CMSS1: variants seen among roughly 807,000 people sequenced by gnomAD.
CMSS1 encodes the protein cms1 ribosomal small subunit homolog.
CMSS1 carries 33 observed loss-of-function variants against 43.5 expected under a neutral mutation model. That is an observed-to-expected ratio of 0.76 (90% confidence interval 0.57 to 1.01). CMSS1 has a LOEUF of 1.01. CMSS1 is among the 50% of genes least tolerant of loss of function. CMSS1 has a pLI of 0.00. For synonymous variants in CMSS1, 115 were observed against 117.2 expected, an observed-to-expected ratio of 0.98 and a Z score of 0.12; for missense variants, 313 against 326.4, an observed-to-expected ratio of 0.96 and a Z score of 0.32.
At chr3:99,984,950 T>C (rs1041311749) in intron 1 of CMSS1, among the ~76,000 whole-genome samples, 7 of 152,280 alleles carry the variant, frequency 4.6e-5, no homozygotes, top group African/African-American at 1.7e-4. Flanking sequence ...ACTGAGGATA[T>C]TGCTCTTAGA....
chr3:100,122,886 AAATAT>A (rs2066633256), intron 1 of CMSS1, among the ~76,000 whole-genome samples: 1 of 152,228 alleles, frequency 6.6e-6, no homozygotes, highest in Admixed American at 6.5e-5. Flanking sequence ...TAAAAACATA[AAATAT>A]AAAGATGGCC....
At chr3:99,837,685 G>A (rs1942957101) in intron 1 of CMSS1, among the ~76,000 whole-genome samples, 1 of 152,174 alleles carries the variant, frequency 6.6e-6, no homozygotes, top group African/African-American at 2.4e-5. Flanking sequence ...TTCTCCTTCT[G>A]ACCTGGGAAG....
intron 1 of CMSS1, among the ~76,000 whole-genome samples, chr3:99,957,818 T>G (rs1026984061): frequency 2.0e-5 from 3 of 150,454 alleles, no homozygotes; most frequent in African/African-American, 7.3e-5. Flanking sequence ...ACATAGCTTG[T>G]TTTTAGTTCT....
At chr3:99,997,720 A>G (rs1292277167) in intron 1 of CMSS1, among the ~76,000 whole-genome samples, 1 of 152,212 alleles carries the variant, frequency 6.6e-6, no homozygotes, top group African/African-American at 2.4e-5. Context: ...GTAGTTTAAA[A>G]CTTTGTACAC....
intron 1 of CMSS1, among the ~76,000 whole-genome samples, chr3:99,963,753 G>T (rs1435475718): frequency 1.3e-5 from 2 of 151,982 alleles, no homozygotes; most frequent in Non-Finnish European, 2.9e-5. Context: ...AGTAGCTGGG[G>T]ATTACAGGCA....
chr3:99,847,681 A>T (rs1433781590), intron 1 of CMSS1, among the ~76,000 whole-genome samples: 2 of 152,212 alleles, frequency 1.3e-5, no homozygotes, highest in Admixed American at 6.5e-5. Context: ...ATATATCCCA[A>T]GCATGAAGTT....
intron 1 of CMSS1, among the ~76,000 whole-genome samples, chr3:99,920,741 T>C (rs1707099691): frequency 6.6e-6 from 1 of 152,166 alleles, no homozygotes; most frequent in Non-Finnish European, 1.5e-5. Flanking sequence ...TGGCCTGAGC[T>C]CAATGTGTGA....
intron 1 of CMSS1, among the ~76,000 whole-genome samples, chr3:99,917,250 A>G (rs964138177): frequency 1.3e-5 from 2 of 152,182 alleles, no homozygotes; most frequent in African/African-American, 4.8e-5. Context: ...CAGTGTTGCA[A>G]CAGTGGTGTC....
At chr3:99,985,958 C>G (rs1412405680) in intron 1 of CMSS1, among the ~76,000 whole-genome samples, 1 of 152,108 alleles carries the variant, frequency 6.6e-6, no homozygotes, top group African/African-American at 2.4e-5. Context: ...TCAGTATGAC[C>G]ACAGAACACA....
At chr3:100,054,539 T>C (rs199706650) in intron 1 of CMSS1, among the ~76,000 whole-genome samples, 44 of 125,668 alleles carry the variant, frequency 3.5e-4, no homozygotes, top group East Asian at 7.0e-4. Context: ...TATGTTATGT[T>C]ATGTCATGTT....
intron 1 of CMSS1, among the ~76,000 whole-genome samples, chr3:99,861,469 T>A (rs1944250399): frequency 6.6e-6 from 1 of 152,236 alleles, no homozygotes; most frequent in Non-Finnish European, 1.5e-5. Context: ...ATTGTGATGG[T>A]GCTCCTCCTG....
intron 8 of CMSS1, chr3:100,176,091 G>A (rs2067146038): frequency 2.6e-6 from 1 of 378,994 alleles, no homozygotes. Context: ...GAGGAGCTTA[G>A]CAAGAGCAGT....
chr3:100,082,139 A>ATTTGCAATTTG (rs2065941993), intron 1 of CMSS1, among the ~76,000 whole-genome samples: 1 of 152,132 alleles, frequency 6.6e-6, no homozygotes, highest in African/African-American at 2.4e-5. Context: ...ATTGCAAAAT[A>ATTTGCAATTTG]CAAACAACTC....
At chr3:100,106,305 G>A (rs563618017) in intron 1 of CMSS1, among the ~76,000 whole-genome samples, 1 of 152,240 alleles carries the variant, frequency 6.6e-6, no homozygotes, top group East Asian at 1.9e-4. Context: ...CAGACTGAAA[G>A]CTCAGTCCTC....
chr3:100,156,169 T>C (rs2066970615), intron 2 of CMSS1, among the ~76,000 whole-genome samples: 1 of 152,046 alleles, frequency 6.6e-6, no homozygotes, highest in Non-Finnish European at 1.5e-5. Context: ...TTGTCACTCA[T>C]GCTGGAGTGC....
intron 1 of CMSS1, among the ~76,000 whole-genome samples, chr3:100,054,270 G>A (rs2065423127): frequency 6.6e-6 from 1 of 152,046 alleles, no homozygotes; most frequent in South Asian, 2.1e-4. Context: ...CTTGCTTGAT[G>A]GTTTTTTGAA....
At chr3:99,883,876 A>C (rs2107605580) in intron 1 of CMSS1, among the ~76,000 whole-genome samples, 1 of 152,344 alleles carries the variant, frequency 6.6e-6, no homozygotes, top group East Asian at 1.9e-4. Flanking sequence ...AAGATCACAG[A>C]GCTAGGGAAT....
intron 1 of CMSS1, among the ~76,000 whole-genome samples, chr3:99,865,491 G>C (rs1944467420): frequency 6.6e-6 from 1 of 152,116 alleles, no homozygotes; most frequent in Admixed American, 6.6e-5. Flanking sequence ...TGGCTACTTT[G>C]AGCCTTGATC....
chr3:100,037,641 A>C (rs1313076809), intron 1 of CMSS1, among the ~76,000 whole-genome samples: 1 of 152,208 alleles, frequency 6.6e-6, no homozygotes, highest in Admixed American at 6.5e-5. Context: ...ACATAGAAAT[A>C]GTGTCCCATA....
Sources: allele counts gnomAD v4.1 joint callset (sites outside exome capture counted in the v4.1 genomes callset), GRCh38; gene constraint gnomAD v4.1.1; transcripts MANE v1.5; gene names NCBI Gene and HGNC (gene_info 2026-07-23, HGNC 2026-07-21).